Variants in RNF125 observed in about 807,000 individuals in gnomAD.
The protein encoded by RNF125 is ring finger protein 125.
In RNF125, 21 loss-of-function variants were observed where a neutral mutation model predicts 26.0. The ratio of observed to expected loss-of-function variants is 0.81; its 90% CI spans 0.57 to 1.16. RNF125 has a LOEUF of 1.16. Among genes scored for constraint, RNF125 ranks in the 50% most tolerant of loss-of-function variants. RNF125 has a pLI of 0.00. For synonymous variants in RNF125, 95 were observed against 109.2 expected, an observed-to-expected ratio of 0.87 and a Z score of 0.81; for missense variants, 270 against 299.4, an observed-to-expected ratio of 0.90 and a Z score of 0.72.
intron 1 of RNF125, among the ~76,000 whole-genome samples, chr18:32,028,356 T>C (rs2039059639): frequency 6.6e-6 from 1 of 151,066 alleles, no homozygotes. Flanking sequence ...TAAGTTTTTT[T>C]GTTAGACCTT....
chr18:32,032,411 CTG>C (rs748955325), intron 1 of RNF125, among the ~76,000 whole-genome samples: 5 of 151,344 alleles, frequency 3.3e-5, no homozygotes, highest in Non-Finnish European at 7.4e-5. Flanking sequence ...CGGTTTCACT[CTG>C]TGTTGGCCAG....
At position 32,042,279 on chromosome 18, in the gene RNF125, T is replaced by C; in HGVS notation, c.413+6T>C. The C allele has an allele frequency of 1.3e-6, 2 of 1,568,360 alleles. No individual in the cohort carries two copies. Among genetic ancestry groups the C allele is most frequent in the Non-Finnish European group, 1.8e-6 (2 of 1,139,776 alleles). ...CTTGAGGAGACAGCAGCAAGGTTTG[T>C]TTCAATACAATATAGTTTAATGCTA... On this transcript the variant is annotated splice_donor_region_variant and intron_variant, in intron 3 of 5. Transcript: ENST00000217740.
chr18:32,056,442 C>T lies in RNF125; in HGVS notation c.505-9460C>T, dbSNP rs544822269. ...GCCTGACCAATATAGAGAAACCACC[C>T]CCCATGTCTACTAAAAATACAAAAT... On this transcript the variant is annotated intron_variant, in intron 4 of 5. Transcript: ENST00000217740. Among the ~76,000 whole-genome samples the T allele has an allele frequency of 3.3e-5, 5 of 151,816 alleles. No individual in the cohort carries two copies. In the South Asian group the frequency reaches 6.2e-4, roughly 19 times the overall value.
In RNF125 at chr18:32,036,399, C is replaced by G. The variant is rs113483519; in HGVS notation, c.165-717C>G. Among the ~76,000 whole-genome samples the G allele has an allele frequency of 2.8e-3, 426 of 151,722 alleles. 2 individuals carry two copies. Among genetic ancestry groups the G allele is most frequent in the African/African-American group, 9.9e-3 (410 of 41,336 alleles). On this transcript the variant is annotated intron_variant, in intron 1 of 5. Coordinates refer to ENST00000217740, the MANE Select transcript of RNF125 (RefSeq NM_017831.4). ...AGTTTAAGAGGCATCAGGTCATGCT[C>G]ATGTGTATAAATTACCCAAATGCTC...
chr18:32,049,047 A>T (rs2039299868), intron 4 of RNF125, among the ~76,000 whole-genome samples: 1 of 152,188 alleles, frequency 6.6e-6, no homozygotes, highest in African/African-American at 2.4e-5. Flanking sequence ...GGCTGCATCT[A>T]AGCAGCAATC....
chr18:32,068,500 G>A lies in RNF125; in HGVS notation c.*116G>A. 1.5e-6 allele frequency: 1 copy of A among 661,572 alleles called. No individual in the cohort carries two copies. The highest frequency in any genetic ancestry group is 2.7e-6 in the Non-Finnish European group (1 of 364,472). The allele number at this position is 661,572 out of a possible 1,614,324, so 41.0% of individuals were successfully genotyped here. A position where few individuals can be genotyped will look rare whatever the true frequency, so the allele number is the denominator to read the frequency against. On this transcript the variant is annotated 3_prime_UTR_variant, in exon 6 of 6. Coordinates refer to ENST00000217740, the MANE Select transcript of RNF125 (RefSeq NM_017831.4). ...GGGCAAAAATGTACAACACAGTTAT[G>A]TGTTTGTCCATGTTTATTGTTATAG... is the stretch of plus-strand genomic sequence containing the variant.
At chr18:32,026,782 A>G (rs2039041128) in intron 1 of RNF125, among the ~76,000 whole-genome samples, 1 of 152,196 alleles carries the variant, frequency 6.6e-6, no homozygotes, top group Admixed American at 6.6e-5. Flanking sequence ...AATAACTCAA[A>G]ATCAAAACAA....
chr18:32,062,267 A>G (rs1402179443), intron 4 of RNF125, among the ~76,000 whole-genome samples: 2 of 152,228 alleles, frequency 1.3e-5, no homozygotes, highest in Non-Finnish European at 2.9e-5. Flanking sequence ...TAGTAGGGGC[A>G]TAATAAAGAG....
At chr18:32,045,754 A>G (rs376752702) in intron 4 of RNF125, 22 bp downstream of exon 4, 685 of 1,461,996 alleles carry the variant, frequency 4.7e-4, no homozygotes, top group Non-Finnish European at 6.3e-4. Flanking sequence ...TGTTACATGT[A>G]TTACAGCAAT....
At chr18:32,087,599 G>A in the RNF125 span, among the ~76,000 whole-genome samples, 2 of 151,732 alleles carry the variant, frequency 1.3e-5, no homozygotes, top group African/African-American at 2.4e-5. Flanking sequence ...GTTGTGGTGC[G>A]TGAGAGTAAA....
the RNF125 span, among the ~76,000 whole-genome samples, chr18:32,081,233 T>A: frequency 2.0e-5 from 3 of 149,574 alleles, no homozygotes; most frequent in Admixed American, 6.7e-5. Flanking sequence ...AAATTTCATG[T>A]TGTGTGTTTT....
the RNF125 span, among the ~76,000 whole-genome samples, chr18:32,083,459 C>T: frequency 6.6e-6 from 1 of 152,124 alleles, no homozygotes; most frequent in African/African-American, 2.4e-5. Flanking sequence ...TATATGTGGG[C>T]TGGAGGGTTC....
At chr18:32,055,979 CAAAAA>C (rs67968645) in intron 4 of RNF125, among the ~76,000 whole-genome samples, 2,220 of 78,870 alleles carry the variant, frequency 0.028, 41 homozygotes, top group African/African-American at 0.087. Flanking sequence ...AACTCCATCT[CAAAAA>C]AAAAAAAAAA....
chr18:32,076,190 C>T (rs182390554), downstream of RNF125: 154 of 512,762 alleles, frequency 3.0e-4, no homozygotes, highest in African/African-American at 2.6e-3. Flanking sequence ...GGAGCATGGC[C>T]CAATAAGAAC....
At chr18:32,062,619 G>A (rs1386992653) in intron 4 of RNF125, among the ~76,000 whole-genome samples, 2 of 151,968 alleles carry the variant, frequency 1.3e-5, no homozygotes, top group Non-Finnish European at 2.9e-5. Flanking sequence ...CAATAAGAAA[G>A]AAAAGAAATA....
intron 1 of RNF125, among the ~76,000 whole-genome samples, chr18:32,021,639 A>G (rs888595591): frequency 1.3e-5 from 2 of 152,200 alleles, no homozygotes; most frequent in Non-Finnish European, 2.9e-5. Flanking sequence ...AGTTGTGCAA[A>G]ACATAAACAG....
chr18:32,053,584 G>A (rs578042349), intron 4 of RNF125, among the ~76,000 whole-genome samples: 2 of 152,128 alleles, frequency 1.3e-5, no homozygotes, highest in Admixed American at 6.5e-5. Flanking sequence ...TCAGGAGTTC[G>A]AGACCAGCCT....
At chr18:32,036,767 A>C (rs1460136540) in intron 1 of RNF125, among the ~76,000 whole-genome samples, 1 of 152,186 alleles carries the variant, frequency 6.6e-6, no homozygotes, top group Non-Finnish European at 1.5e-5. Context: ...AAAACCCCAC[A>C]GAAGAAAGAC....
At chr18:32,064,704 G>A (rs186054882) in intron 4 of RNF125, among the ~76,000 whole-genome samples, 14 of 152,162 alleles carry the variant, frequency 9.2e-5, no homozygotes, top group Admixed American at 7.2e-4. Context: ...TGTATTTTTA[G>A]TAGAGACAGG....
Sources: gnomAD v4.1 joint callset for allele counts (sites outside exome capture counted in the v4.1 genomes callset) on GRCh38, gnomAD v4.1.1 for gene constraint, MANE v1.5 for transcripts, NCBI Gene and HGNC (gene_info 2026-07-23, HGNC 2026-07-21) for gene names.